DNAH12: variants seen among roughly 807,000 people sequenced by gnomAD.
DNAH12 encodes axonemal beta dynein heavy chain 12.
Under a neutral mutation model 371.5 loss-of-function variants are expected in DNAH12, and 285 were observed. The observed-to-expected ratio is 0.77, with a 90% CI of 0.70 to 0.85. The LOEUF is 0.85. Among genes scored for constraint, DNAH12 ranks in the 40% least tolerant of loss-of-function variants. The probability of loss-of-function intolerance (pLI) is 0.00; values close to 1 mark genes in which losing one functional copy is unlikely to be tolerated. For missense variants in DNAH12, 3,611 were observed against 3,689.4 expected, an observed-to-expected ratio of 0.98 and a Z score of 0.55; for synonymous variants, 1,200 against 1,213.0, an observed-to-expected ratio of 0.99 and a Z score of 0.22.
intron 60 of DNAH12, among the ~76,000 whole-genome samples, chr3:57,343,645 G>A (rs1357760134): frequency 6.6e-6 from 1 of 152,192 alleles, no homozygotes; most frequent in Non-Finnish European, 1.5e-5. Flanking sequence ...AAGGGTCTGT[G>A]CTGAGGTGGA....
At chr3:57,462,621 A>T in intron 18 of DNAH12, 69 bp downstream of exon 18, 2 of 1,497,974 alleles carry the variant, frequency 1.3e-6, no homozygotes, top group Non-Finnish European at 1.8e-6. Context: ...ATTCAACCCC[A>T]ACAAAAACTA....
intron 43 of DNAH12, among the ~76,000 whole-genome samples, chr3:57,395,822 A>C (rs1252833708): frequency 6.6e-6 from 1 of 151,778 alleles, no homozygotes; most frequent in Non-Finnish European, 1.5e-5. Context: ...ATGGTGGTAC[A>C]TGTCTGTAGT....
At position 57,445,192 on chromosome 3, in the gene DNAH12, A is replaced by G. The variant is rs1464729722; in HGVS notation, c.4407T>C (p.Asn1469=). ...TACTTACAAGTATATCTTCATTTTC[A>G]TTTGGGTATTTTAGTTTTAGATTGC... ...AAGNLKLKYP[N]ENEDILLLRS... The change falls in exon 28 of 74, where the codon AAT becomes AAC. Residue 1469 remains asparagine, a synonymous_variant. Coordinates refer to ENST00000495027, the MANE Select transcript of DNAH12 (RefSeq NM_001366028.2). 6.5e-7 allele frequency: 1 copy of G among 1,544,502 alleles called. No individual in the cohort carries two copies. Among genetic ancestry groups the G allele is most frequent in the South Asian group, 1.2e-5 (1 of 82,864 alleles).
chr3:57,302,529 G>GTTTT (rs879293648), intron 69 of DNAH12, among the ~76,000 whole-genome samples: 39 of 47,844 alleles, frequency 8.2e-4, no homozygotes, highest in African/African-American at 1.4e-3. Context: ...GGCATCAGGT[G>GTTTT]TATATATATA....
chr3:57,402,745 A>C (rs2063909581), intron 43 of DNAH12, among the ~76,000 whole-genome samples: 1 of 152,228 alleles, frequency 6.6e-6, no homozygotes, highest in Non-Finnish European at 1.5e-5. Flanking sequence ...TGCAGTTAGA[A>C]GAAGTTCCAG....
intron 11 of DNAH12, among the ~76,000 whole-genome samples, chr3:57,495,979 A>G (rs1235775714): frequency 7.1e-6 from 1 of 141,098 alleles, no homozygotes; most frequent in East Asian, 2.0e-4. Flanking sequence ...TTAATCCCTG[A>G]TTTTATATAT....
At chr3:57,341,814 C>T (rs1553656274) in intron 60 of DNAH12, among the ~76,000 whole-genome samples, 1 of 151,826 alleles carries the variant, frequency 6.6e-6, no homozygotes, top group Non-Finnish European at 1.5e-5. Flanking sequence ...CAAAACAATA[C>T]TAAGCAAAAA....
rs574074248 is a variant in DNAH12, at chr3:57,500,163, C to CA, written c.1335+1157_1335+1158insT. On this transcript the variant is annotated intron_variant, in intron 11 of 73. Coordinates refer to ENST00000495027, the MANE Select transcript of DNAH12 (RefSeq NM_001366028.2). ...TCAAGCGATCCTACTCCTCAGCCCC[C>CA]CCTAGTAGCTGGGATTACAGGCATG... Among the ~76,000 whole-genome samples the CA allele has an allele frequency of 9.5e-3, 1,450 of 151,908 alleles. 25 individuals are homozygous for CA. The highest frequency in any genetic ancestry group is 0.033 in the African/African-American group (1,356 of 41,430).
chr3:57,294,299 C>T (rs186138596), intron 73 of DNAH12, among the ~76,000 whole-genome samples: 1,622 of 151,668 alleles, frequency 0.011, 26 homozygotes, highest in African/African-American at 0.037. Context: ...GTCTCAGCCT[C>T]CTGAGTAGGT....
chr3:57,543,799 C>A (rs1369624768), intron 1 of DNAH12, among the ~76,000 whole-genome samples: 1 of 151,676 alleles, frequency 6.6e-6, no homozygotes, highest in Non-Finnish European at 1.5e-5. Context: ...GTAATCCCAG[C>A]ACTTTGGGAG....
chr3:57,353,815 C>T (rs1165826260), intron 59 of DNAH12, among the ~76,000 whole-genome samples: 1 of 152,070 alleles, frequency 6.6e-6, no homozygotes, highest in East Asian at 1.9e-4. Context: ...CAAATCAAAA[C>T]CACAATGGGA....
intron 62 of DNAH12, among the ~76,000 whole-genome samples, chr3:57,324,616 C>T (rs1350901915): frequency 6.6e-6 from 1 of 152,126 alleles, no homozygotes; most frequent in Admixed American, 6.5e-5. Context: ...AGGAACAGCT[C>T]CGGTCTACAG....
chr3:57,476,506 G>C (rs1409646883), intron 13 of DNAH12, among the ~76,000 whole-genome samples: 1 of 152,142 alleles, frequency 6.6e-6, no homozygotes, highest in African/African-American at 2.4e-5. Flanking sequence ...GGAGGTTGCA[G>C]TGAGCCAAAA....
chr3:57,464,968 C>G (rs1012503533), intron 17 of DNAH12, among the ~76,000 whole-genome samples: 11 of 152,318 alleles, frequency 7.2e-5, no homozygotes, highest in African/African-American at 2.6e-4. Context: ...TCTTTTCCGT[C>G]CCCTAGAGGG....
At chr3:57,392,748 A>G (rs1180866252) in intron 44 of DNAH12, among the ~76,000 whole-genome samples, 1 of 152,260 alleles carries the variant, frequency 6.6e-6, no homozygotes, top group African/African-American at 2.4e-5. Context: ...TAGCAAATAT[A>G]AAACAGAAAT....
intron 12 of DNAH12, among the ~76,000 whole-genome samples, chr3:57,485,181 G>GT (rs1395301047): frequency 1.3e-5 from 2 of 152,050 alleles, no homozygotes; most frequent in Non-Finnish European, 2.9e-5. Context: ...CCACTACTAG[G>GT]TATCTACCCA....
At chr3:57,358,327 T>C (rs1209136602) in intron 58 of DNAH12, among the ~76,000 whole-genome samples, 3 of 152,144 alleles carry the variant, frequency 2.0e-5, no homozygotes, top group Admixed American at 1.3e-4. Context: ...AAGGAAGAGA[T>C]ACAAAAGTCT....
At chr3:57,326,972 C>G (rs1181290568) in intron 62 of DNAH12, among the ~76,000 whole-genome samples, 2 of 152,166 alleles carry the variant, frequency 1.3e-5, no homozygotes, top group Non-Finnish European at 2.9e-5. Context: ...AAGGCTATTA[C>G]ATAATGGTAA....
At chr3:57,392,603 A>T (rs2063648370) in intron 44 of DNAH12, among the ~76,000 whole-genome samples, 1 of 151,732 alleles carries the variant, frequency 6.6e-6, no homozygotes, top group South Asian at 2.1e-4. Context: ...CAAAAACAAA[A>T]ACAAACAACA....
Sources: allele counts gnomAD v4.1 joint callset (sites outside exome capture counted in the v4.1 genomes callset), GRCh38; gene constraint gnomAD v4.1.1; transcripts MANE v1.5; gene names NCBI Gene and HGNC (gene_info 2026-07-23, HGNC 2026-07-21).